GPX6: variants seen among roughly 807,000 people sequenced by gnomAD.
The protein encoded by GPX6 is glutathione peroxidase 6.
In GPX6, 21 loss-of-function variants were observed where a neutral mutation model predicts 20.0. The observed-to-expected ratio is 1.05, with a 90% CI of 0.74 to 1.51. The LOEUF (loss-of-function observed/expected upper bound fraction) is 1.51. Ranked by LOEUF, GPX6 falls within the 40% of genes most tolerant of loss-of-function variation. The pLI is 0.00. For synonymous variants in GPX6, 75 were observed against 98.0 expected, an observed-to-expected ratio of 0.77 and a Z score of 1.38; for missense variants, 233 against 254.7, an observed-to-expected ratio of 0.91 and a Z score of 0.58.
rs757848222 is a variant in GPX6 at position 28,504,484 on chromosome 6, CG to C, written c.473del (p.Pro158ArgfsTer?). The C allele has an allele frequency of 5.6e-6, 9 of 1,613,666 alleles. No individual in the cohort carries two copies. The highest frequency in any genetic ancestry group is 8.5e-7 in the Non-Finnish European group (1 of 1,179,966). ...TTGATGAGCCCAAAAGATCAGAGGT[CG>C]GAGGGCAGGAGTTCTGGAGCAGAGA... ...VFTFLKNSCP[P>X]TSDLLGSSSQ... On this transcript the variant is annotated frameshift_variant, in exon 5 of 5. Transcript: ENST00000361902. LOFTEE classifies it high-confidence loss of function.
intron 1 of GPX6, among the ~76,000 whole-genome samples, chr6:28,513,182 T>C (rs1175728680): frequency 6.6e-6 from 1 of 152,172 alleles, no homozygotes; most frequent in Non-Finnish European, 1.5e-5. Context: ...TTATTCTCCA[T>C]GCCCACGTGT....
intron 3 of GPX6, 71 bp from the exon 4 acceptor site, chr6:28,505,873 A>G (rs1762801745): frequency 2.9e-6 from 3 of 1,049,612 alleles, no homozygotes; most frequent in South Asian, 1.3e-5. Context: ...GGCCACCACC[A>G]ATTCACTACC....
At chr6:28,509,098 C>T (rs1762835918) in intron 2 of GPX6, among the ~76,000 whole-genome samples, 1 of 152,120 alleles carries the variant, frequency 6.6e-6, no homozygotes, top group African/African-American at 2.4e-5. Flanking sequence ...TTAAGTGTTA[C>T]TTAAAAGGGC....
chr6:28,513,605 A>C (rs930930692), intron 1 of GPX6, among the ~76,000 whole-genome samples: 1 of 152,226 alleles, frequency 6.6e-6, no homozygotes, highest in Non-Finnish European at 1.5e-5. Context: ...AGTTCATAAA[A>C]TAGCACAGAG....
chr6:28,506,518 A>G, intron 2 of GPX6, 89 bp from the exon 3 acceptor site: 1 of 771,296 alleles, frequency 1.3e-6, no homozygotes, highest in South Asian at 1.4e-5. Flanking sequence ...CATTTATCAC[A>G]TGAATAAACC....
intron 1 of GPX6, among the ~76,000 whole-genome samples, chr6:28,512,189 T>C (rs557334773): frequency 6.6e-6 from 1 of 152,246 alleles, no homozygotes; most frequent in South Asian, 2.1e-4. Context: ...GGCGCGGGAC[T>C]GGCAGGCAGC....
At chr6:28,514,422 C>T (rs908193078) in intron 1 of GPX6, among the ~76,000 whole-genome samples, 1 of 152,166 alleles carries the variant, frequency 6.6e-6, no homozygotes, top group Non-Finnish European at 1.5e-5. Flanking sequence ...ATCGAGAATT[C>T]CACACCCAAC....
At position 28,504,258 on chromosome 6, in the gene GPX6, C is replaced by T. The variant is rs369762476; in HGVS notation, c.*34G>A. 22 of 1,578,948 alleles carry T rather than the reference C, an allele frequency of 1.4e-5. No homozygotes were observed. The African/African-American group carries it at 3.0e-4, about 21-fold the overall frequency. On this transcript the variant is annotated 3_prime_UTR_variant, in exon 5 of 5. Transcript: ENST00000361902. ...GTTAGACATTCCTGCAGGTGGGAGACAGGGTAGTTATTTCTGTCAGTCGCT... is the reference window on the plus strand; with the variant it reads ...GTTAGACATTCCTGCAGGTGGGAGATAGGGTAGTTATTTCTGTCAGTCGCT...
chr6:28,513,153 A>G (rs867750068), intron 1 of GPX6, among the ~76,000 whole-genome samples: 1 of 152,114 alleles, frequency 6.6e-6, no homozygotes, highest in Non-Finnish European at 1.5e-5. Context: ...AGCTACTTCC[A>G]CTTAATAAAA....
At position 28,510,743 on chromosome 6, in the gene GPX6, G is replaced by A; in HGVS notation, c.241+8C>T. ...TGCTTCCAAAAGAGTTGAAACGTGA[G>A]TTCTTACCAGGATACTGAGCTGCCA... is the stretch of plus-strand genomic sequence containing the variant. On this transcript the variant is annotated splice_region_variant and intron_variant, in intron 2 of 4. Coordinates refer to ENST00000361902, the MANE Select transcript of GPX6 (RefSeq NM_182701.1). 1 of 1,611,678 alleles carries A rather than the reference G, an allele frequency of 6.2e-7. No homozygotes were observed. The highest frequency in any genetic ancestry group is 1.1e-5 in the South Asian group (1 of 90,782).
At chr6:28,511,478 C>T (rs543314940) in intron 1 of GPX6, among the ~76,000 whole-genome samples, 232 of 152,336 alleles carry the variant, frequency 1.5e-3, no homozygotes, top group African/African-American at 5.2e-3. Context: ...CACCCTCGGG[C>T]CTGTGCCTAC....
chr6:28,505,282 C>T lies in GPX6; in HGVS notation c.459+421G>A, dbSNP rs34146725. Among the ~76,000 whole-genome samples the T allele has an allele frequency of 4.4e-3, 672 of 152,280 alleles. 5 individuals carry two copies. Among genetic ancestry groups the T allele is most frequent in the African/African-American group, 0.014 (583 of 41,562 alleles). ...CGGGCTGAGTAGACAAAGAGACCCT[C>T]GGGGGTCCTTCTATCCTGGTATTCT... On this transcript the variant is annotated intron_variant, in intron 4 of 4. Coordinates refer to ENST00000361902, the MANE Select transcript of GPX6 (RefSeq NM_182701.1).
chr6:28,510,931 C>G (rs770997486), intron 1 of GPX6, 27 bp from the exon 2 acceptor site: 1 of 1,575,066 alleles, frequency 6.3e-7, no homozygotes, highest in East Asian at 2.3e-5. Context: ...ATAACCATAA[C>G]GATATAAGAT....
Position 28,504,048 on chromosome 6 carries a change from CA to C in GPX6, c.*243del, listed in dbSNP as rs1762781561. 6 of 513,832 alleles carry C rather than the reference CA, an allele frequency of 1.2e-5. No individual in the cohort carries two copies. 31.8% of individuals were successfully genotyped at this position (513,832 alleles called of 1,614,324 possible). A position where few individuals can be genotyped will look rare whatever the true frequency, so the allele number is the denominator to read the frequency against. On this transcript the variant is annotated 3_prime_UTR_variant, in exon 5 of 5. Transcript: ENST00000361902. ...ACACACACACACACACACACACACA[CA>C]CCATACATACACCTATGCATATACC... is the stretch of plus-strand genomic sequence containing the variant.
At position 28,515,637 on chromosome 6, in the gene GPX6, A is replaced by T. The variant is rs1262019433; in HGVS notation, c.87+20T>A. On this transcript the variant is annotated intron_variant, in intron 1 of 4. Coordinates refer to ENST00000361902, the MANE Select transcript of GPX6 (RefSeq NM_182701.1). ...TCATCACGTGCTGGAATCAGCTCGGATCCCCTGCCCCATGCTCACCTTCCT... is the reference window on the plus strand; with the variant it reads ...TCATCACGTGCTGGAATCAGCTCGGTTCCCCTGCCCCATGCTCACCTTCCT... 1.2e-6 allele frequency: 2 copies of T among 1,602,608 alleles called. No homozygotes were observed. The highest frequency in any genetic ancestry group is 4.5e-5 in the East Asian group (2 of 44,806).
chr6:28,505,507 A>G (rs1259875049), intron 4 of GPX6, among the ~76,000 whole-genome samples, 196 bp downstream of exon 4: 1 of 152,256 alleles, frequency 6.6e-6, no homozygotes, highest in African/African-American at 2.4e-5. Flanking sequence ...ACAGGAGGGT[A>G]GTCCATGTCA....
intron 1 of GPX6, among the ~76,000 whole-genome samples, chr6:28,513,074 G>A (rs910452376): frequency 6.6e-5 from 10 of 152,154 alleles, no homozygotes; most frequent in African/African-American, 1.9e-4. Flanking sequence ...CATTGACAGC[G>A]GAAGGACATG....
Position 28,506,423 on chromosome 6 carries a change from T to C in GPX6, c.248A>G (p.Asn83Ser), listed in dbSNP as rs1271919929. The stretch of plus-strand genomic sequence containing the variant: ...ATTCTTCAGCTCCTCCTGTAGTGCA[T>C]TCAGTTCTGTAAGTGGACAATGAAT... The part of the protein sequence containing the change: ...UGLAAQYPEL[N>S]ALQEELKNFG... Residue 83 changes from asparagine (N) to serine (S), a missense_variant, in exon 3 of 5, where the codon AAT (asparagine) becomes AGT (serine). Coordinates refer to ENST00000361902, the MANE Select transcript of GPX6 (RefSeq NM_182701.1). The C allele has an allele frequency of 1.2e-6, 2 of 1,602,566 alleles. No homozygotes were observed. The highest frequency in any genetic ancestry group is 2.2e-5 in the East Asian group (1 of 44,824).
chr6:28,507,704 A>G (rs1280134429), intron 2 of GPX6, among the ~76,000 whole-genome samples: 3 of 152,220 alleles, frequency 2.0e-5, no homozygotes, highest in African/African-American at 7.2e-5. Context: ...AGTTGGGATT[A>G]CAGGCATGTG....
Sources: allele counts gnomAD v4.1 joint callset (sites outside exome capture counted in the v4.1 genomes callset), GRCh38; gene constraint gnomAD v4.1.1; transcripts MANE v1.5; gene names NCBI Gene and HGNC (gene_info 2026-07-23, HGNC 2026-07-21).